Variants in TRPM2 observed in about 807,000 individuals in gnomAD.
The protein encoded by TRPM2 is transient receptor potential cation channel subfamily M member 2.
A neutral mutation model predicts 174.0 loss-of-function variants in TRPM2; 161 were observed. The observed-to-expected ratio is 0.93, with a 90% CI of 0.81 to 1.05. TRPM2 has a LOEUF of 1.05. Among genes scored for constraint, TRPM2 ranks in the 50% least tolerant of loss-of-function variants. The pLI is 0.00. For missense variants in TRPM2, 2,057 were observed against 2,038.0 expected (o/e 1.01, Z -0.18); for synonymous variants, 954 against 861.3 (o/e 1.11, Z -1.88).
At chr21:44,403,828 CAT>C (rs2049734662) in intron 16 of TRPM2, among the ~76,000 whole-genome samples, 1 of 151,954 alleles carries the variant, frequency 6.6e-6, no homozygotes, top group African/African-American at 2.4e-5. Flanking sequence ...CATGCACACA[CAT>C]GCATACACAC....
At chr21:44,385,167 T>A (rs988378540) in intron 9 of TRPM2, among the ~76,000 whole-genome samples, 9 of 152,164 alleles carry the variant, frequency 5.9e-5, no homozygotes, top group Admixed American at 5.2e-4. Flanking sequence ...AACAGAATGA[T>A]GGGGAAAAAA....
chr21:44,408,436 C>T (rs1375938015), intron 19 of TRPM2, among the ~76,000 whole-genome samples: 1 of 151,936 alleles, frequency 6.6e-6, no homozygotes. Flanking sequence ...ACATTCCTGC[C>T]TGCCCAGTCC....
intron 23 of TRPM2, among the ~76,000 whole-genome samples, chr21:44,424,307 G>A (rs911350241): frequency 1.3e-5 from 2 of 152,226 alleles, no homozygotes; most frequent in African/African-American, 2.4e-5. Flanking sequence ...CACCAGTCCT[G>A]CCCGTTGCAC....
In TRPM2 at chr21:44,397,279, C is replaced by T. The variant is rs574410277; in HGVS notation, c.1933-468C>T. On this transcript the variant is annotated intron_variant, in intron 12 of 31. Transcript: ENST00000397928. ...GTCTCGAACTCCTGACCTCATGATC[C>T]GCCTGCCTCGGCCTTCCAAAGTGCT... Among the ~76,000 whole-genome samples, 26 of 152,232 alleles carry T rather than the reference C, an allele frequency of 1.7e-4. 1 individual carries two copies. Among genetic ancestry groups the T allele is most frequent in the African/African-American group, 5.3e-4 (22 of 41,514 alleles).
intron 19 of TRPM2, 83 bp downstream of exon 19, chr21:44,406,848 T>A: frequency 2.7e-6 from 4 of 1,509,198 alleles, no homozygotes; most frequent in Non-Finnish European, 3.6e-6. Flanking sequence ...TGAGTGGGAG[T>A]GAGGCCGGCT....
At position 44,376,629 on chromosome 21, in the gene TRPM2, AC is replaced by A. The variant is rs2048705806; in HGVS notation, c.952+618del. On this transcript the variant is annotated intron_variant, in intron 6 of 31. Transcript: ENST00000397928. This position sits in a 1 kb window ranked among gnomAD's most constrained non-coding sequence, Gnocchi z 4.2. ...CGATAGTCAAAACTTAGGATTTGAT[AC>A]CTTTTTCCTCATAGGTGGGATGGGA... Among the ~76,000 whole-genome samples the A allele has an allele frequency of 6.6e-6, 1 of 152,158 alleles. No homozygotes were observed. The highest frequency in any genetic ancestry group is 1.5e-5 in the Non-Finnish European group (1 of 68,028).
In TRPM2 at chr21:44,426,562, G is replaced by A. The variant is rs45450093; in HGVS notation, c.3796-98G>A. The A allele has an allele frequency of 2.3e-3, 2,845 of 1,246,500 alleles. 64 individuals carry two copies. The African/African-American group carries it at 0.037, about 16-fold the overall frequency. The allele number at this position is 1,246,500 out of a possible 1,614,324, so 77.2% of individuals were successfully genotyped here. A position where few individuals can be genotyped will look rare whatever the true frequency, so the allele number is the denominator to read the frequency against. On this transcript the variant is annotated intron_variant, in intron 25 of 31. Coordinates refer to ENST00000397928, the MANE Select transcript of TRPM2 (RefSeq NM_003307.4). ...CCCTGCATGTTGGGATGTTGGGGTC[G>A]GGTTCAGACCCAGCTGAGCAGCCCT...
At chr21:44,378,881 C>G in intron 7 of TRPM2, 116 bp from the exon 8 acceptor site, 2 of 1,130,210 alleles carry the variant, frequency 1.8e-6, no homozygotes, top group South Asian at 2.8e-5. Flanking sequence ...TTCAGTGGAT[C>G]TCGGAGTAGT....
intron 16 of TRPM2, 140 bp from the exon 17 acceptor site, chr21:44,405,002 G>T: frequency 1.3e-6 from 1 of 762,410 alleles, no homozygotes; most frequent in East Asian, 2.5e-5. Flanking sequence ...GTGACAGCAA[G>T]GGTAGTGATG....
chr21:44,370,691 C>T (rs1425435803), intron 5 of TRPM2, among the ~76,000 whole-genome samples: 3 of 152,248 alleles, frequency 2.0e-5, no homozygotes, highest in Admixed American at 1.3e-4. Context: ...CACTGGCCAG[C>T]CCCAGCCCGG....
intron 22 of TRPM2, among the ~76,000 whole-genome samples, chr21:44,421,070 AG>A (rs1193619862): frequency 6.6e-6 from 1 of 152,202 alleles, no homozygotes; most frequent in African/African-American, 2.4e-5. Flanking sequence ...CTGTAATCTC[AG>A]CACTTTGGGA....
Position 44,387,499 on chromosome 21 carries a change from T to C in TRPM2, c.1319-3405T>C, listed in dbSNP as rs141496083. Among the ~76,000 whole-genome samples, 312 of 152,322 alleles carry C rather than the reference T, an allele frequency of 2.0e-3. 1 individual carries two copies. Among genetic ancestry groups the C allele is most frequent in the African/African-American group, 7.3e-3 (303 of 41,572 alleles). ...GACAAAGGATTTGGCAGTGGTTTCT[T>C]GGCCATGACACCTAAGGCACAGGAA... On this transcript the variant is annotated intron_variant, in intron 9 of 31. Transcript: ENST00000397928.
chr21:44,358,593 A>G (rs542128235), intron 2 of TRPM2, among the ~76,000 whole-genome samples: 1 of 152,324 alleles, frequency 6.6e-6, no homozygotes, highest in South Asian at 2.1e-4. Flanking sequence ...TTCAAGTTCC[A>G]ATCTCATCAG....
At chr21:44,385,634 A>G (rs555812317) in intron 9 of TRPM2, among the ~76,000 whole-genome samples, 1 of 152,364 alleles carries the variant, frequency 6.6e-6, no homozygotes, top group Non-Finnish European at 1.5e-5. Context: ...GTATTTGTCC[A>G]TTTTCACACT....
chr21:44,427,774 G>T (rs1454104516), intron 27 of TRPM2, among the ~76,000 whole-genome samples: 1 of 152,180 alleles, frequency 6.6e-6, no homozygotes, highest in African/African-American at 2.4e-5. Context: ...GAATGCTCTG[G>T]AACAGGGTGT....
rs1290604786 is a variant in TRPM2 at position 44,437,191 on chromosome 21, T to C, written c.4167+24T>C. The C allele has an allele frequency of 2.6e-6, 4 of 1,537,418 alleles. No individual in the cohort carries two copies. In the Admixed American group the frequency reaches 7.9e-5, roughly 30 times the overall value. ...GGGTAAGGCTGCCGCGTGTGGGACC[T>C]CTGTCCACTGGGCTGTCTGTGGGTC... On this transcript the variant is annotated intron_variant, in intron 29 of 31. Coordinates refer to ENST00000397928, the MANE Select transcript of TRPM2 (RefSeq NM_003307.4).
chr21:44,408,927 A>G (rs1020722268), intron 19 of TRPM2, among the ~76,000 whole-genome samples: 2 of 152,244 alleles, frequency 1.3e-5, no homozygotes, highest in South Asian at 4.1e-4. Flanking sequence ...AAGTGCTGGC[A>G]TTACAGGCAT....
At chr21:44,402,070 G>T (rs945379401) in intron 16 of TRPM2, among the ~76,000 whole-genome samples, 173 bp downstream of exon 16, 6 of 152,172 alleles carry the variant, frequency 3.9e-5, no homozygotes, top group Middle Eastern at 3.4e-3. Context: ...TGCCCTCCAA[G>T]CCCCTCCCTC....
chr21:44,355,253 C>G (rs1032745660), intron 2 of TRPM2, among the ~76,000 whole-genome samples: 2 of 152,030 alleles, frequency 1.3e-5, no homozygotes, highest in Admixed American at 1.3e-4. Flanking sequence ...TGGCCAAGAC[C>G]CCCGCCCAGG....
Sources: gnomAD v4.1 joint callset for allele counts (sites outside exome capture counted in the v4.1 genomes callset) on GRCh38, gnomAD v4.1.1 for gene constraint, Gnocchi (gnomAD v3.1) non-coding constraint, MANE v1.5 for transcripts, NCBI Gene and HGNC (gene_info 2026-07-23, HGNC 2026-07-21) for gene names.